Variants in STS observed in about 807,000 individuals in gnomAD.
STS encodes steroid sulfatase, also known as steryl-sulfatase.
In STS, 7 loss-of-function variants were observed where a neutral mutation model predicts 26.8. That is an observed-to-expected ratio of 0.26 (90% CI 0.15 to 0.49). The LOEUF (loss-of-function observed/expected upper bound fraction) is 0.49. Among genes scored for constraint, STS ranks in the 20% least tolerant of loss-of-function variants. The pLI is 0.98. For synonymous variants in STS, 199 were observed against 189.4 expected (o/e 1.05, Z -0.42); for missense variants, 434 against 465.6 (o/e 0.93, Z 0.63).
chrX:7,278,812 T>C (rs1452194798), intron 7 of STS, among the ~76,000 whole-genome samples: 1 of 111,717 alleles, frequency 9.0e-6, no homozygotes, highest in East Asian at 2.8e-4. Flanking sequence ...TGGGCCCTGA[T>C]AGCACATGTA....
chrX:7,172,919 T>C (rs374914968), intron 1 of STS, among the ~76,000 whole-genome samples: 2 of 111,911 alleles, frequency 1.8e-5, no homozygotes, highest in East Asian at 2.8e-4. Context: ...TTCTTTTTTC[T>C]CAGTCAGTGT....
At chrX:7,279,279 G>GAAAAA (rs1224859237) in intron 7 of STS, among the ~76,000 whole-genome samples, 5 of 47,216 alleles carry the variant, frequency 1.1e-4, no homozygotes, top group African/African-American at 4.8e-4. Context: ...ACTCCAGGAA[G>GAAAAA]AAAAAAAAAA....
At chrX:7,324,673 G>A (rs183585130) in intron 8 of STS, among the ~76,000 whole-genome samples, 1 of 111,598 alleles carries the variant, frequency 9.0e-6, no homozygotes, top group East Asian at 2.8e-4. Context: ...CCAAAAGAAG[G>A]AGGGTAAAAT....
At chrX:7,268,248 C>T (rs1924102530) in intron 6 of STS, among the ~76,000 whole-genome samples, 1 of 112,088 alleles carries the variant, frequency 8.9e-6, no homozygotes, top group African/African-American at 3.2e-5. Flanking sequence ...AATCATAATT[C>T]CCTAAAATCT....
At chrX:7,291,628 C>G (rs1925423621) in intron 7 of STS, among the ~76,000 whole-genome samples, 1 of 111,702 alleles carries the variant, frequency 9.0e-6, no homozygotes, top group South Asian at 3.7e-4. Context: ...TGAGTGTACC[C>G]TGACTAATTT....
intron 6 of STS, among the ~76,000 whole-genome samples, chrX:7,269,928 T>A (rs1924187933): frequency 8.9e-6 from 1 of 112,029 alleles, no homozygotes; most frequent in African/African-American, 3.2e-5. Flanking sequence ...GACACTCAGA[T>A]GAAGATTATT....
intron 7 of STS, among the ~76,000 whole-genome samples, chrX:7,304,585 C>T (rs1926127412): frequency 1.8e-5 from 2 of 111,734 alleles, no homozygotes; most frequent in Admixed American, 1.9e-4. Context: ...CATAAAATAT[C>T]TATATACATA....
intron 10 of STS, among the ~76,000 whole-genome samples, chrX:7,340,119 T>C (rs1928215130): frequency 9.1e-6 from 1 of 109,987 alleles, no homozygotes; most frequent in Non-Finnish European, 1.9e-5. Flanking sequence ...CCCTCTTCCA[T>C]CTAAGCTTGG....
intron 10 of STS, among the ~76,000 whole-genome samples, chrX:7,337,892 TAATTCCAAACTCATGA>T (rs1928107707): frequency 8.9e-6 from 1 of 112,346 alleles, no homozygotes; most frequent in South Asian, 3.7e-4. Flanking sequence ...TTAAATGTTA[TAATTCCAAACTCATGA>T]AATACTGATT....
chrX:7,276,479 T>A (rs754865838), intron 7 of STS, among the ~76,000 whole-genome samples: 20 of 111,106 alleles, frequency 1.8e-4, no homozygotes, highest in East Asian at 1.7e-3. Flanking sequence ...TTAAAAAAAA[T>A]ATATATATCT....
intron 6 of STS, among the ~76,000 whole-genome samples, chrX:7,260,590 G>T (rs747462569): frequency 9.0e-6 from 1 of 110,659 alleles, no homozygotes; most frequent in Non-Finnish European, 1.9e-5. Flanking sequence ...TCTATTTTTA[G>T]TAGAGACAGG....
chrX:7,188,981 G>A (rs1471830148), intron 1 of STS, among the ~76,000 whole-genome samples: 2 of 111,088 alleles, frequency 1.8e-5, no homozygotes, highest in Non-Finnish European at 3.8e-5. Context: ...AAGCCATGCT[G>A]GAAGATTGAT....
chrX:7,338,493 A>G, intron 10 of STS, among the ~76,000 whole-genome samples: 1 of 112,052 alleles, frequency 8.9e-6, no homozygotes, highest in Non-Finnish European at 1.9e-5. Flanking sequence ...AGTCACATAT[A>G]TTTAAAATGT....
chrX:7,233,505 G>A (rs1031979173), intron 2 of STS, among the ~76,000 whole-genome samples: 1 of 111,485 alleles, frequency 9.0e-6, no homozygotes, highest in African/African-American at 3.3e-5. Flanking sequence ...GTCTCCATAC[G>A]GTTTTTTATA....
intron 7 of STS, among the ~76,000 whole-genome samples, chrX:7,279,702 G>A (rs1924764609): frequency 9.1e-6 from 1 of 109,889 alleles, no homozygotes; most frequent in Non-Finnish European, 1.9e-5. Flanking sequence ...CCTTGTGGGG[G>A]TCTGGATCTT....
chrX:7,183,144 A>G (rs1465350394), intron 1 of STS, among the ~76,000 whole-genome samples: 1 of 111,374 alleles, frequency 9.0e-6, no homozygotes, highest in Non-Finnish European at 1.9e-5. Context: ...TTTTTTTCAC[A>G]TTTACAGTTT....
At chrX:7,278,268 G>A (rs1358992133) in intron 7 of STS, among the ~76,000 whole-genome samples, 1 of 111,853 alleles carries the variant, frequency 8.9e-6, no homozygotes. Context: ...TTCCAAGAAG[G>A]GCTTTTCCTT....
At chrX:7,188,226 C>G (rs1481307262) in intron 1 of STS, among the ~76,000 whole-genome samples, 1 of 111,808 alleles carries the variant, frequency 8.9e-6, no homozygotes, top group Non-Finnish European at 1.9e-5. Context: ...GTAGCCACAC[C>G]CACTTTAATG....
chrX:7,205,410 G>C (rs1422825574), intron 2 of STS, among the ~76,000 whole-genome samples: 1 of 111,380 alleles, frequency 9.0e-6, no homozygotes, highest in African/African-American at 3.3e-5. Context: ...ACATCAATTA[G>C]GCATGAAGGC....
Sources: gnomAD v4.1 joint callset for allele counts (sites outside exome capture counted in the v4.1 genomes callset) on GRCh38, gnomAD v4.1.1 for gene constraint, MANE v1.5 for transcripts, NCBI Gene and HGNC (gene_info 2026-07-23, HGNC 2026-07-21) for gene names.